Variants in GRIK2 observed in about 807,000 individuals in gnomAD.
GRIK2 encodes glutamate ionotropic receptor kainate type subunit 2, also known as glutamate receptor ionotropic, kainate 2.
A neutral mutation model predicts 100.3 loss-of-function variants in GRIK2; 32 were observed. The observed-to-expected ratio is 0.32, with a 90% CI of 0.24 to 0.43. GRIK2 has a LOEUF of 0.43. Ranked by LOEUF, GRIK2 falls within the 20% of genes least tolerant of loss-of-function variation. The pLI, the probability that GRIK2 is intolerant of heterozygous loss-of-function variation, is 1.00. For synonymous variants in GRIK2, 417 were observed against 389.4 expected, an observed-to-expected ratio of 1.07 and a Z score of -0.83; for missense variants, 843 against 1,114.9, an observed-to-expected ratio of 0.76 and a Z score of 3.47.
chr6:101,444,269 G>T (rs1770243988), intron 2 of GRIK2, among the ~76,000 whole-genome samples: 1 of 151,738 alleles, frequency 6.6e-6, no homozygotes, highest in African/African-American at 2.4e-5. Context: ...TCTCAAGGTA[G>T]AATTTTTCCT....
intron 2 of GRIK2, among the ~76,000 whole-genome samples, chr6:101,588,504 G>T (rs1778483669): frequency 6.6e-6 from 1 of 151,920 alleles, no homozygotes; most frequent in Admixed American, 6.6e-5. Flanking sequence ...GAGTAGCAAG[G>T]CCTGGTGGCA....
At chr6:101,524,319 T>G (rs900294874) in intron 2 of GRIK2, among the ~76,000 whole-genome samples, 1 of 152,022 alleles carries the variant, frequency 6.6e-6, no homozygotes, top group Non-Finnish European at 1.5e-5. Context: ...GTTTTTGGGT[T>G]TTATTGTTAC....
intron 2 of GRIK2, among the ~76,000 whole-genome samples, chr6:101,439,166 T>C (rs1016232160): frequency 6.6e-6 from 1 of 152,126 alleles, no homozygotes; most frequent in African/African-American, 2.4e-5. Flanking sequence ...TCTCATTGGG[T>C]CTATATATGT....
intron 10 of GRIK2, among the ~76,000 whole-genome samples, chr6:101,853,316 C>T (rs1439069995): frequency 6.6e-6 from 1 of 152,104 alleles, no homozygotes; most frequent in Admixed American, 6.6e-5. Context: ...AATAAGACTG[C>T]ATTGAAACAT....
chr6:101,859,169 A>C, intron 10 of GRIK2, 118 bp from the exon 11 acceptor site: 1 of 586,946 alleles, frequency 1.7e-6, no homozygotes, highest in East Asian at 2.8e-5. Flanking sequence ...GAAGAAAATA[A>C]AGTTGACTGT....
At chr6:101,552,587 A>G (rs2128292875) in intron 2 of GRIK2, among the ~76,000 whole-genome samples, 2 of 152,268 alleles carry the variant, frequency 1.3e-5, no homozygotes, top group African/African-American at 4.8e-5. Context: ...TTGCTCCTTC[A>G]TGGCATTATA....
intron 2 of GRIK2, among the ~76,000 whole-genome samples, chr6:101,529,299 GGAATGATAGCTAAAT>G (rs1197611153): frequency 6.6e-6 from 1 of 151,952 alleles, no homozygotes; most frequent in Non-Finnish European, 1.5e-5. Flanking sequence ...GGCATTTAGA[GGAATGATAGCTAAAT>G]GAATGTATTC....
chr6:101,520,077 C>T (rs1012855010), intron 2 of GRIK2, among the ~76,000 whole-genome samples: 2 of 151,982 alleles, frequency 1.3e-5, no homozygotes, highest in South Asian at 4.2e-4. Flanking sequence ...AAGGGCATTC[C>T]AAAATTATTT....
intron 15 of GRIK2, among the ~76,000 whole-genome samples, chr6:102,047,092 A>G (rs1344014913): frequency 6.6e-6 from 1 of 152,142 alleles, no homozygotes; most frequent in East Asian, 1.9e-4. Flanking sequence ...ATAGCAACAA[A>G]TGCCTCTACT....
At chr6:101,820,387 C>A (rs891430292) in intron 10 of GRIK2, among the ~76,000 whole-genome samples, 2 of 152,084 alleles carry the variant, frequency 1.3e-5, no homozygotes, top group African/African-American at 4.8e-5. Flanking sequence ...CCTGATCTAG[C>A]CAAATTCCTC....
chr6:101,860,491 C>T (rs1233543726), intron 11 of GRIK2, among the ~76,000 whole-genome samples: 1 of 152,090 alleles, frequency 6.6e-6, no homozygotes, highest in Non-Finnish European at 1.5e-5. Context: ...AAAATGGTGG[C>T]ATTAGCATGG....
intron 2 of GRIK2, among the ~76,000 whole-genome samples, chr6:101,620,773 A>T (rs1056960133): frequency 3.3e-5 from 5 of 152,098 alleles, no homozygotes; most frequent in African/African-American, 1.2e-4. Context: ...GTTGGAGGGG[A>T]TTAGGAATCA....
At chr6:101,750,056 C>A (rs1484468730) in intron 7 of GRIK2, among the ~76,000 whole-genome samples, 1 of 151,814 alleles carries the variant, frequency 6.6e-6, no homozygotes, top group Non-Finnish European at 1.5e-5. Flanking sequence ...CTTGAGTGAT[C>A]CTTCTGCCTA....
At chr6:102,040,361 A>G (rs1195106316) in intron 15 of GRIK2, among the ~76,000 whole-genome samples, 2 of 151,526 alleles carry the variant, frequency 1.3e-5, no homozygotes, top group Admixed American at 6.6e-5. Flanking sequence ...AAACAATATT[A>G]TCTATGAATA....
intron 2 of GRIK2, among the ~76,000 whole-genome samples, chr6:101,608,821 GTA>G (rs1158566285): frequency 7.7e-5 from 6 of 77,462 alleles, no homozygotes; most frequent in East Asian, 3.8e-4. Flanking sequence ...GTGTATGTAT[GTA>G]TGTGTGTGTG....
intron 4 of GRIK2, among the ~76,000 whole-genome samples, chr6:101,668,909 T>G (rs1359769416): frequency 1.3e-5 from 2 of 152,146 alleles, no homozygotes; most frequent in African/African-American, 2.4e-5. Flanking sequence ...GATGACAGTC[T>G]CTTAAAAGAG....
At chr6:101,724,876 C>T (rs1744044851) in intron 7 of GRIK2, among the ~76,000 whole-genome samples, 1 of 151,930 alleles carries the variant, frequency 6.6e-6, no homozygotes, top group African/African-American at 2.4e-5. Flanking sequence ...CATTTTCCAT[C>T]TTCTCTCCAC....
At chr6:101,975,264 G>A (rs1793295775) in intron 14 of GRIK2, among the ~76,000 whole-genome samples, 1 of 151,926 alleles carries the variant, frequency 6.6e-6, no homozygotes, top group Non-Finnish European at 1.5e-5. Context: ...GTTTGGTGTT[G>A]TTAACTCAAG....
chr6:101,846,013 T>TG (rs1210075506), intron 10 of GRIK2, among the ~76,000 whole-genome samples: 1 of 151,798 alleles, frequency 6.6e-6, no homozygotes, highest in African/African-American at 2.4e-5. Context: ...CATTGTTTTT[T>TG]TTTTGTTGTT....
Sources: gnomAD v4.1 joint callset for allele counts (sites outside exome capture counted in the v4.1 genomes callset) on GRCh38, gnomAD v4.1.1 for gene constraint, MANE v1.5 for transcripts, NCBI Gene and HGNC (gene_info 2026-07-23, HGNC 2026-07-21) for gene names.